Variants in DDX17 observed in about 807,000 individuals in gnomAD.
DDX17 encodes probable ATP-dependent RNA helicase DDX17.
In DDX17, 10 loss-of-function variants were observed where a neutral mutation model predicts 80.8. The ratio of observed to expected loss-of-function variants is 0.12; its 90% confidence interval spans 0.08 to 0.21. DDX17 has a LOEUF of 0.21. DDX17 is among the 10% of genes least tolerant of loss of function. The probability of loss-of-function intolerance (pLI) is 1.00; values close to 1 mark genes in which losing one functional copy is unlikely to be tolerated. For missense variants in DDX17, 586 were observed against 957.4 expected, an observed-to-expected ratio of 0.61 and a Z score of 5.12; for synonymous variants, 339 against 336.2, an observed-to-expected ratio of 1.01 and a Z score of -0.09.
intron 10 of DDX17, among the ~76,000 whole-genome samples, chr22:38,493,022 A>G (rs1267729704): frequency 6.6e-6 from 1 of 152,240 alleles, no homozygotes; most frequent in Non-Finnish European, 1.5e-5. Context: ...AAAGTTGTGA[A>G]AAAGTTTAAA....
intron 1 of DDX17, among the ~76,000 whole-genome samples, chr22:38,502,133 G>A (rs1462934137): frequency 2.0e-5 from 3 of 151,974 alleles, no homozygotes; most frequent in Non-Finnish European, 4.4e-5. Context: ...TGAGCCTGCC[G>A]GGGGCAGTGG....
chr22:38,485,710 C>A lies in DDX17; in HGVS notation c.*225G>T. On this transcript the variant is annotated 3_prime_UTR_variant, in exon 13 of 13. Transcript: ENST00000403230. ...TATATATATATTTTTTTTTTTTTTA[C>A]AAAATGTTATTCCAGACTGGATCAT... 9.1e-5 allele frequency: 20 copies of A among 220,574 alleles called. No homozygotes were observed. Among genetic ancestry groups the A allele is most frequent in the South Asian group, 1.1e-4 (1 of 8,772 alleles). 13.7% of individuals were successfully genotyped at this position (220,574 alleles called of 1,614,324 possible).
chr22:38,496,638 C>T (rs2089770973), intron 5 of DDX17, among the ~76,000 whole-genome samples: 1 of 152,092 alleles, frequency 6.6e-6, no homozygotes. Context: ...GTGTGAGCCA[C>T]CATGCCTGGC....
At position 38,489,712 on chromosome 22, in the gene DDX17, C is replaced by G. The variant is rs1796020211; in HGVS notation, c.1448-1597G>C. On this transcript the variant is annotated intron_variant, in intron 11 of 12. Transcript: ENST00000403230. The surrounding 1 kb of genome is among the most constrained non-coding windows in gnomAD (Gnocchi z 4.6). ...TACAATAAAGGCTCCTCGGTCTTTA[C>G]TGACCCCTAAAGTCCTGAATCACAC... is the stretch of plus-strand genomic sequence containing the variant. The G allele has an allele frequency of 1.0e-6, 1 of 985,106 alleles. No homozygotes were observed. Among genetic ancestry groups the G allele is most frequent in the Non-Finnish European group, 1.2e-6 (1 of 829,930 alleles). The allele number at this position is 985,106 out of a possible 1,614,324, so 61.0% of individuals were successfully genotyped here.
At chr22:38,500,846 A>AAAAAAAC (rs2089821641) in intron 2 of DDX17, among the ~76,000 whole-genome samples, 1 of 139,462 alleles carries the variant, frequency 7.2e-6, no homozygotes, top group African/African-American at 2.7e-5. Context: ...AAAAAAAAAA[A>AAAAAAAC]TCAGCTGGGT....
Position 38,489,940 on chromosome 22 carries a change from T to A in DDX17, c.1448-1825A>T, listed in dbSNP as rs897761175. 3 of 998,094 alleles carry A rather than the reference T, an allele frequency of 3.0e-6. No individual in the cohort carries two copies. Among genetic ancestry groups the A allele is most frequent in the East Asian group, 1.1e-4 (1 of 9,448 alleles). 61.8% of individuals were successfully genotyped at this position (998,094 alleles called of 1,614,324 possible). On this transcript the variant is annotated intron_variant, in intron 11 of 12. Transcript: ENST00000403230. The surrounding 1 kb of genome is among the most constrained non-coding windows in gnomAD (Gnocchi z 4.6). ...ATATGACCATGGCAGTAGAACAAGT[T>A]CAATTACTACACTGGATGCGTTAAG...
Position 38,492,001 on chromosome 22 carries a change from A to C in DDX17, c.1447+55T>G, listed in dbSNP as rs2089718310. 5 of 1,283,000 alleles carry C rather than the reference A, an allele frequency of 3.9e-6. No individual in the cohort carries two copies. In the South Asian group the frequency reaches 5.7e-5, roughly 15 times the overall value. The allele number at this position is 1,283,000 out of a possible 1,614,324, so 79.5% of individuals were successfully genotyped here. A position where few individuals can be genotyped will look rare whatever the true frequency, so the allele number is the denominator to read the frequency against. The stretch of plus-strand genomic sequence containing the variant: ...TTGAAGTCTGAATTTGAAATGACGA[A>C]TCTTTAAACCAAAAGATACATATAC... On this transcript the variant is annotated intron_variant, in intron 11 of 12. Transcript: ENST00000403230.
chr22:38,490,525 C>T, intron 11 of DDX17: 1 of 1,123,768 alleles, frequency 8.9e-7, no homozygotes, highest in Non-Finnish European at 1.2e-6. Flanking sequence ...AAAAATATCC[C>T]AGTGGAAAGG....
chr22:38,497,269 G>A (rs907354782), intron 5 of DDX17, among the ~76,000 whole-genome samples: 2 of 138,810 alleles, frequency 1.4e-5, no homozygotes, highest in African/African-American at 2.8e-5. Flanking sequence ...GTACTCCAGC[G>A]TGGGCAACCA....
chr22:38,495,419 G>A (rs1045126088), intron 6 of DDX17, among the ~76,000 whole-genome samples: 2 of 151,862 alleles, frequency 1.3e-5, no homozygotes, highest in Admixed American at 6.6e-5. Flanking sequence ...CTAATTTTTC[G>A]TATTTTTAGT....
chr22:38,496,090 A>G (rs1053166613), intron 5 of DDX17, among the ~76,000 whole-genome samples, 153 bp from the exon 6 acceptor site: 1 of 152,138 alleles, frequency 6.6e-6, no homozygotes, highest in African/African-American at 2.4e-5. Flanking sequence ...AGTGGGGAAT[A>G]TTAGCACAAT....
chr22:38,503,241 G>A (rs932089560), intron 1 of DDX17, among the ~76,000 whole-genome samples: 2 of 152,160 alleles, frequency 1.3e-5, no homozygotes, highest in Non-Finnish European at 2.9e-5. Context: ...TGCAAATGAA[G>A]CAGCTAAATA....
chr22:38,498,103 T>A lies in DDX17; in HGVS notation c.720A>T (p.Glu240Asp). 1 of 1,614,104 alleles carries A rather than the reference T, an allele frequency of 6.2e-7. No homozygotes were observed. The highest frequency in any genetic ancestry group is 8.5e-7 in the Non-Finnish European group (1 of 1,180,000). Residue 240 changes from glutamate to aspartate, a missense_variant, in exon 5 of 13, where the codon GAA (glutamate) becomes GAT (aspartate). Glu to Asp is a conservative substitution (Grantham distance 45, BLOSUM62 2). Around this residue, in one of 4 missense-constraint regions of DDX17, gnomAD observed 141 missense variants for 379.3 expected, o/e 0.37. Transcript: ENST00000403230. ...CACTTACGATTGGGCCATCTCCCCT[T>A]TCCAAGTATGGCTGGTGGTTAATAT...
At chr22:38,505,911 A>AC in intron 1 of DDX17, 40 bp downstream of exon 1, 1 of 740,570 alleles carries the variant, frequency 1.4e-6, no homozygotes, top group South Asian at 1.7e-5. Flanking sequence ...CAACTCCCCC[A>AC]CCCCCACGCC....
chr22:38,486,574 A>G, intron 12 of DDX17, 134 bp from the exon 13 acceptor site: 1 of 1,303,502 alleles, frequency 7.7e-7, no homozygotes, highest in Non-Finnish European at 1.0e-6. Context: ...CCTCCCAATT[A>G]GTACTGTAAA....
In DDX17 at chr22:38,485,242, C is replaced by T. The variant is rs1329462783; in HGVS notation, c.*693G>A. 1 of 152,098 alleles carries T rather than the reference C, an allele frequency of 6.6e-6. No individual in the cohort carries two copies. The highest frequency in any genetic ancestry group is 1.9e-4 in the East Asian group (1 of 5,198). The allele number at this position is 152,098 out of a possible 1,614,324, so 9.4% of individuals were successfully genotyped here. A position where few individuals can be genotyped will look rare whatever the true frequency, so the allele number is the denominator to read the frequency against. ...TTTTTAATTTAAAGGATACACAAAA[C>T]TCAGCAATTCAATTTCTAGCCTGAC... On this transcript the variant is annotated 3_prime_UTR_variant, in exon 13 of 13. Coordinates refer to ENST00000403230, the MANE Select transcript of DDX17 (RefSeq NM_006386.5).
At chr22:38,491,689 T>C (rs1020271810) in intron 11 of DDX17, 5 of 199,916 alleles carry the variant, frequency 2.5e-5, no homozygotes, top group Non-Finnish European at 4.0e-5. Flanking sequence ...TTACAATAGC[T>C]AGGTTTCGTC....
At chr22:38,495,146 G>T in intron 6 of DDX17, 100 bp from the exon 7 acceptor site, 1 of 1,208,602 alleles carries the variant, frequency 8.3e-7, no homozygotes. Context: ...ATCGCTTGAG[G>T]CCAGTTCACA....
intron 8 of DDX17, 113 bp downstream of exon 8, chr22:38,494,517 G>A (rs2089742698): frequency 3.2e-6 from 3 of 924,984 alleles, no homozygotes; most frequent in Admixed American, 2.7e-5. Context: ...ACCTAGCAAT[G>A]CTTTTAATGT....
Sources: allele counts gnomAD v4.1 joint callset (sites outside exome capture counted in the v4.1 genomes callset), GRCh38; gene constraint gnomAD v4.1.1; regional missense constraint gnomAD v4.1.1; non-coding constraint Gnocchi (gnomAD v3.1); transcripts MANE v1.5; gene names NCBI Gene and HGNC (gene_info 2026-07-23, HGNC 2026-07-21).